PCDHGA1: variants seen among roughly 807,000 people sequenced by gnomAD.
PCDHGA1 encodes protocadherin gamma-A1.
A neutral mutation model predicts 58.0 loss-of-function variants in PCDHGA1; 32 were observed. The observed-to-expected ratio is 0.55, with a 90% CI of 0.42 to 0.74. PCDHGA1 has a LOEUF of 0.74. Among genes scored for constraint, PCDHGA1 ranks in the 30% least tolerant of loss-of-function variants. The pLI, the probability that PCDHGA1 is intolerant of heterozygous loss-of-function variation, is 0.00. For synonymous variants in PCDHGA1, 498 were observed against 501.1 expected, an observed-to-expected ratio of 0.99 and a Z score of 0.08; for missense variants, 1,205 against 1,182.3, an observed-to-expected ratio of 1.02 and a Z score of -0.28.
rs2099748179 is a variant in PCDHGA1 at position 141,493,421 on chromosome 5, T to G, written c.2422-1386T>G. Among the ~76,000 whole-genome samples the G allele has an allele frequency of 6.6e-6, 1 of 152,182 alleles. No individual in the cohort carries two copies. Among genetic ancestry groups the G allele is most frequent in the South Asian group, 2.1e-4 (1 of 4,830 alleles). On this transcript the variant is annotated intron_variant, in intron 1 of 3. Coordinates refer to ENST00000517417, the MANE Select transcript of PCDHGA1 (RefSeq NM_018912.3). The surrounding 1 kb of genome is among the most constrained non-coding windows in gnomAD (Gnocchi z 4.3). Reference sequence around the variant, plus strand: ...GGAGTTGCCTCTGCTGGGATTTTGCTTCTGCTGGGATGGGGCAAGGGTGGG... The same window carrying G: ...GGAGTTGCCTCTGCTGGGATTTTGCGTCTGCTGGGATGGGGCAAGGGTGGG...
intron 1 of PCDHGA1, among the ~76,000 whole-genome samples, chr5:141,336,269 TA>T (rs1357887106): frequency 6.6e-6 from 1 of 152,124 alleles, no homozygotes; most frequent in Non-Finnish European, 1.5e-5. Flanking sequence ...TAATCCCAGG[TA>T]CTGAGTAGGC....
chr5:141,340,483 C>T (rs1187417601), intron 1 of PCDHGA1: 7 of 1,614,226 alleles, frequency 4.3e-6, no homozygotes, highest in South Asian at 2.2e-5. Flanking sequence ...TATCCTCTTA[C>T]ATCTCTATCA....
At chr5:141,358,935 T>A (rs550902400) in intron 1 of PCDHGA1, among the ~76,000 whole-genome samples, 2 of 152,358 alleles carry the variant, frequency 1.3e-5, no homozygotes, top group Admixed American at 1.3e-4. Flanking sequence ...TATACAACAC[T>A]TTTGTTCTTT....
rs2099725414 is a variant in PCDHGA1, at chr5:141,491,703, GA to G, written c.2422-3103del. On this transcript the variant is annotated intron_variant, in intron 1 of 3. Coordinates refer to ENST00000517417, the MANE Select transcript of PCDHGA1 (RefSeq NM_018912.3). The surrounding 1 kb of genome is among the most constrained non-coding windows in gnomAD (Gnocchi z 6.9). ...ATACGCTGCGGGAGCGGAGCCAGGT[GA>G]GGGGCTCGGCGCCGCCCCGGGCGAC... is the stretch of plus-strand genomic sequence containing the variant. The G allele has an allele frequency of 3.7e-6, 6 of 1,611,396 alleles. No homozygotes were observed.
rs1214163626 is a variant in PCDHGA1 at position 141,334,378 on chromosome 5, C to CA, written c.2421+1275dup. 5 of 150,958 alleles carry CA rather than the reference C, an allele frequency of 3.3e-5. 1 individual carries two copies. The highest frequency in any genetic ancestry group is 9.8e-5 in the African/African-American group (4 of 41,006). The allele number at this position is 150,958 out of a possible 1,614,324, so 9.4% of individuals were successfully genotyped here. A position where few individuals can be genotyped will look rare whatever the true frequency, so the allele number is the denominator to read the frequency against. Reference sequence around the variant, plus strand: ...CAGTGGCTCACGTCTGTATTTCCAACAATTTGAGAGGCTGAGGCGGAAAGA... The same window carrying CA: ...CAGTGGCTCACGTCTGTATTTCCAACAAATTTGAGAGGCTGAGGCGGAAAGA... On this transcript the variant is annotated intron_variant, in intron 1 of 3. Transcript: ENST00000517417. This position sits in a 1 kb window ranked among gnomAD's most constrained non-coding sequence, Gnocchi z 4.6.
chr5:141,441,843 G>T, intron 1 of PCDHGA1: 1 of 356,176 alleles, frequency 2.8e-6, no homozygotes. Context: ...TCGCGCTCTT[G>T]GATATGGTGC....
chr5:141,355,679 C>G (rs1759933363), intron 1 of PCDHGA1: 1 of 1,613,812 alleles, frequency 6.2e-7, no homozygotes. Flanking sequence ...GCTTTTGATC[C>G]GGATGTAGGT....
At chr5:141,383,700 C>T (rs753632881) in intron 1 of PCDHGA1, 1 of 1,613,936 alleles carries the variant, frequency 6.2e-7, no homozygotes, top group East Asian at 2.2e-5. Flanking sequence ...TACATGCTAT[C>T]GACCTGGACG....
At chr5:141,433,487 C>T (rs1052153936) in intron 1 of PCDHGA1, among the ~76,000 whole-genome samples, 3 of 152,094 alleles carry the variant, frequency 2.0e-5, no homozygotes, top group African/African-American at 7.2e-5. Context: ...TCCTGCTTCT[C>T]CCTCCCAAAC....
At chr5:141,459,136 T>C (rs1044347522) in intron 1 of PCDHGA1, among the ~76,000 whole-genome samples, 2 of 152,224 alleles carry the variant, frequency 1.3e-5, no homozygotes, top group Non-Finnish European at 2.9e-5. Context: ...GTAACCACCA[T>C]GCAATCAAAA....
At position 141,384,825 on chromosome 5, in the gene PCDHGA1, C is replaced by T. The variant is rs570988671; in HGVS notation, c.2421+51720C>T. On this transcript the variant is annotated intron_variant, in intron 1 of 3. Transcript: ENST00000517417. ...ACAGAGATGCCCTCAAGCAGAGCCT[C>T]GTGGTGGCCGTCCAGGACCACGGTC... The T allele has an allele frequency of 5.0e-6, 8 of 1,613,474 alleles. No homozygotes were observed. The African/African-American group carries it at 9.3e-5, about 19-fold the overall frequency.
intron 1 of PCDHGA1, among the ~76,000 whole-genome samples, chr5:141,469,599 A>G (rs2099206392): frequency 6.6e-6 from 1 of 152,192 alleles, no homozygotes; most frequent in Non-Finnish European, 1.5e-5. Flanking sequence ...ATAAAACAAA[A>G]TAAGTAAAAT....
intron 1 of PCDHGA1, chr5:141,371,732 C>T: frequency 1.9e-6 from 3 of 1,614,046 alleles, no homozygotes; most frequent in Non-Finnish European, 2.5e-6. Flanking sequence ...TTGATGTCAA[C>T]GACAACGTTC....
intron 1 of PCDHGA1, among the ~76,000 whole-genome samples, chr5:141,492,148 G>C (rs2099737507): frequency 6.6e-6 from 1 of 152,202 alleles, no homozygotes; most frequent in Admixed American, 6.5e-5. Flanking sequence ...TGACTTCACT[G>C]TTACCCTCCC....
chr5:141,394,463 G>A (rs1244366845), intron 1 of PCDHGA1: 2 of 1,614,248 alleles, frequency 1.2e-6, no homozygotes, highest in South Asian at 2.2e-5. Flanking sequence ...CACTGAGCCT[G>A]TTCGTGCTGG....
In PCDHGA1 at chr5:141,431,248, G is replaced by C. The variant is rs1213088915; in HGVS notation, c.2422-63559G>C. On this transcript the variant is annotated intron_variant, in intron 1 of 3. Coordinates refer to ENST00000517417, the MANE Select transcript of PCDHGA1 (RefSeq NM_018912.3). This position sits in a 1 kb window ranked among gnomAD's most constrained non-coding sequence, Gnocchi z 4.8. ...CCCACGCCTGGGATCCGGATATCGG[G>C]AAGAACTCTCTGCAGAGCTACGAGC... is the stretch of plus-strand genomic sequence containing the variant. 5 of 1,614,022 alleles carry C rather than the reference G, an allele frequency of 3.1e-6. No homozygotes were observed. Among genetic ancestry groups the C allele is most frequent in the Non-Finnish European group, 4.2e-6 (5 of 1,180,056 alleles).
At chr5:141,374,181 A>G (rs765792921) in intron 1 of PCDHGA1, 14 of 1,613,530 alleles carry the variant, frequency 8.7e-6, no homozygotes, top group African/African-American at 2.7e-5. Flanking sequence ...CAGATCCGCT[A>G]CTCTATTCCC....
In PCDHGA1 at chr5:141,331,876, G is replaced by A. The variant is rs1756379610; in HGVS notation, c.1192G>A (p.Val398Ile). ...TTTACCCTTTAAATTGGAAAAGTTA[G>A]TTGATAATTATTACCGTTTAGTGAC... ...GNLPFKLEKL[V>I]DNYYRLVTER... The change falls in exon 1 of 4, where the codon GTT (valine) becomes ATT (isoleucine). Residue 398 changes from valine (V) to isoleucine (I), a missense_variant. Transcript: ENST00000517417. 1 of 1,614,064 alleles carries A rather than the reference G, an allele frequency of 6.2e-7. No homozygotes were observed. Among genetic ancestry groups the A allele is most frequent in the South Asian group, 1.1e-5 (1 of 91,086 alleles).
chr5:141,375,844 G>A (rs1771971426), intron 1 of PCDHGA1: 2 of 1,614,082 alleles, frequency 1.2e-6, no homozygotes, highest in Non-Finnish European at 8.5e-7. Context: ...CCGGCTACCT[G>A]GTGACCAAGG....
Sources: gnomAD v4.1 joint callset for allele counts (sites outside exome capture counted in the v4.1 genomes callset) on GRCh38, gnomAD v4.1.1 for gene constraint, Gnocchi (gnomAD v3.1) non-coding constraint, MANE v1.5 for transcripts, NCBI Gene and HGNC (gene_info 2026-07-23, HGNC 2026-07-21) for gene names.